AGPAT5: variants seen among roughly 807,000 people sequenced by gnomAD.
AGPAT5 encodes the protein 1-acyl-sn-glycerol-3-phosphate acyltransferase epsilon.
AGPAT5 carries 46 observed loss-of-function variants against 45.6 expected under a neutral mutation model. The observed-to-expected ratio is 1.01, with a 90% CI of 0.80 to 1.29. The LOEUF (loss-of-function observed/expected upper bound fraction) is 1.29. AGPAT5 is among the 50% of genes most tolerant of loss of function. The probability of loss-of-function intolerance (pLI) is 0.00; values close to 1 mark genes in which losing one functional copy is unlikely to be tolerated. For synonymous variants in AGPAT5, 272 were observed against 167.0 expected, an observed-to-expected ratio of 1.63 and a Z score of -4.85; for missense variants, 673 against 450.7, an observed-to-expected ratio of 1.49 and a Z score of -4.47.
At chr8:6,712,683 C>T (rs1800193033) in intron 1 of AGPAT5, among the ~76,000 whole-genome samples, 1 of 152,182 alleles carries the variant, frequency 6.6e-6, no homozygotes, top group South Asian at 2.1e-4. Context: ...TAAATTCTAT[C>T]ATCGTGAGTT....
In AGPAT5 at chr8:6,708,928, G is replaced by A. The variant is rs192900225; in HGVS notation, c.219+41G>A. On this transcript the variant is annotated intron_variant, in intron 1 of 7. Transcript: ENST00000285518. ...CTCCCGGGTCTCGGCGTCCACCCGA[G>A]CTCCCGGGGGCGCGGACCTCTCCGC... 1.6e-3 allele frequency: 2,564 copies of A among 1,560,738 alleles called. 19 individuals are homozygous for A. The African/African-American group carries it at 0.025, about 15-fold the overall frequency.
intron 6 of AGPAT5, among the ~76,000 whole-genome samples, chr8:6,752,025 A>G (rs1270316378): frequency 6.6e-6 from 1 of 152,160 alleles, no homozygotes; most frequent in Non-Finnish European, 1.5e-5. Context: ...AAAAATACAA[A>G]AATTAGCCGG....
chr8:6,711,239 G>C (rs1800147743), intron 1 of AGPAT5, among the ~76,000 whole-genome samples: 2 of 152,230 alleles, frequency 1.3e-5, no homozygotes. Flanking sequence ...TTTATGATCT[G>C]TGCTTGGCAG....
rs1231429151 is a variant in AGPAT5, at chr8:6,759,121, A to C, written c.*1733A>C. 3.3e-5 allele frequency: 5 copies of C among 152,292 alleles called. No homozygotes were observed. Among genetic ancestry groups the C allele is most frequent in the Non-Finnish European group, 5.9e-5 (4 of 68,018 alleles). 9.4% of individuals were successfully genotyped at this position (152,292 alleles called of 1,614,324 possible). ...CGGGGCATGGGTAAAACTTATGAAA[A>C]TTTCCTCATGCTGAATTGTAATTTT... is the stretch of plus-strand genomic sequence containing the variant. On this transcript the variant is annotated 3_prime_UTR_variant, in exon 8 of 8. Transcript: ENST00000285518.
At chr8:6,749,039 A>G (rs1050018238) in intron 6 of AGPAT5, among the ~76,000 whole-genome samples, 1 of 152,212 alleles carries the variant, frequency 6.6e-6, no homozygotes, top group Non-Finnish European at 1.5e-5. Flanking sequence ...ATTCTGCCCA[A>G]CCTTACACGT....
intron 2 of AGPAT5, 24 bp downstream of exon 2, chr8:6,724,963 C>A (rs530121149): frequency 2.7e-5 from 28 of 1,037,164 alleles, no homozygotes; most frequent in African/African-American, 5.0e-5. Flanking sequence ...TTGCATGAAA[C>A]ATAGGTTTTT....
intron 3 of AGPAT5, 103 bp from the exon 4 acceptor site, chr8:6,732,458 G>A: frequency 1.3e-6 from 1 of 751,398 alleles, no homozygotes; most frequent in Non-Finnish European, 2.1e-6. Context: ...CTGAAATGTA[G>A]TTTTCATTCT....
rs528229919 is a variant in AGPAT5, at chr8:6,761,257, C to G, written c.*3869C>G. Among the ~76,000 whole-genome samples the G allele has an allele frequency of 6.6e-6, 1 of 152,250 alleles. No individual in the cohort carries two copies. The highest frequency in any genetic ancestry group is 2.1e-4 in the South Asian group (1 of 4,818). Reference sequence around the variant, plus strand: ...ATGTTGATGAAACAGATCAGTTTTTCCATCCGGATTATTATTGGTTCATGA... The same window carrying G: ...ATGTTGATGAAACAGATCAGTTTTTGCATCCGGATTATTATTGGTTCATGA... On this transcript the variant is annotated 3_prime_UTR_variant, in exon 8 of 8. Coordinates refer to ENST00000285518, the MANE Select transcript of AGPAT5 (RefSeq NM_018361.5).
At chr8:6,728,557 G>A (rs990557510) in intron 2 of AGPAT5, among the ~76,000 whole-genome samples, 1 of 152,184 alleles carries the variant, frequency 6.6e-6, no homozygotes, top group African/African-American at 2.4e-5. Context: ...GTTCTTGGGA[G>A]GGGCATGTGA....
intron 6 of AGPAT5, 56 bp from the exon 7 acceptor site, chr8:6,754,995 T>C (rs1249162691): frequency 7.1e-7 from 1 of 1,401,012 alleles, no homozygotes; most frequent in Non-Finnish European, 9.5e-7. Context: ...TTTTACTTTA[T>C]ATGACCATGA....
chr8:6,744,913 G>A lies in AGPAT5; in HGVS notation c.587-2757G>A, dbSNP rs570794346. Among the ~76,000 whole-genome samples the A allele has an allele frequency of 2.8e-4, 43 of 152,286 alleles. 1 individual carries two copies. In the South Asian group the frequency reaches 8.5e-3, roughly 30 times the overall value. On this transcript the variant is annotated intron_variant, in intron 5 of 7. Coordinates refer to ENST00000285518, the MANE Select transcript of AGPAT5 (RefSeq NM_018361.5). Reference sequence around the variant, plus strand: ...CCCTTCCTTAGCAGTGGAGAACATCGTAAGATCAATGCTGACTGCCTTCTG... The same window carrying A: ...CCCTTCCTTAGCAGTGGAGAACATCATAAGATCAATGCTGACTGCCTTCTG...
chr8:6,745,044 C>G (rs983608492), intron 5 of AGPAT5: 8 of 152,376 alleles, frequency 5.3e-5, no homozygotes, highest in African/African-American at 1.9e-4. Flanking sequence ...TTTTTGTTCT[C>G]TTCACATTCA....
intron 4 of AGPAT5, among the ~76,000 whole-genome samples, chr8:6,739,367 A>G (rs1187807290): frequency 6.6e-6 from 1 of 152,138 alleles, no homozygotes; most frequent in African/African-American, 2.4e-5. Flanking sequence ...GAAGATATAG[A>G]TGAATTTGGG....
At chr8:6,755,728 C>G (rs192314145) in intron 7 of AGPAT5, among the ~76,000 whole-genome samples, 2 of 152,320 alleles carry the variant, frequency 1.3e-5, no homozygotes, top group African/African-American at 4.8e-5. Context: ...ACTTTCTGCT[C>G]AAGAAACTAT....
intron 4 of AGPAT5, among the ~76,000 whole-genome samples, chr8:6,733,099 T>C (rs1335193101): frequency 2.0e-5 from 3 of 152,232 alleles, no homozygotes; most frequent in African/African-American, 4.8e-5. Context: ...AAATGTTAAA[T>C]CATTCAGTGT....
At chr8:6,729,749 A>T (rs2980682) in intron 2 of AGPAT5, among the ~76,000 whole-genome samples, 114,572 of 152,180 alleles carry the variant, frequency 0.75, 44,269 homozygotes, top group African/African-American at 0.92. Context: ...AAGCTCAACT[A>T]ACAACTTCTA....
At chr8:6,713,018 G>A (rs1800203098) in intron 1 of AGPAT5, among the ~76,000 whole-genome samples, 1 of 152,156 alleles carries the variant, frequency 6.6e-6, no homozygotes, top group Non-Finnish European at 1.5e-5. Context: ...TTTGAGTCAG[G>A]GTCTTCTTCT....
intron 5 of AGPAT5, among the ~76,000 whole-genome samples, chr8:6,747,035 A>G (rs1167177821): frequency 1.3e-5 from 2 of 152,242 alleles, no homozygotes; most frequent in Non-Finnish European, 2.9e-5. Context: ...TTCATACAAA[A>G]GCTTGTTCAC....
At chr8:6,721,363 T>G (rs951461461) in intron 1 of AGPAT5, among the ~76,000 whole-genome samples, 4 of 152,232 alleles carry the variant, frequency 2.6e-5, no homozygotes, top group Admixed American at 2.0e-4. Flanking sequence ...TGGGGAGAGA[T>G]AGACTAGCTA....
Sources: gnomAD v4.1 joint callset for allele counts (sites outside exome capture counted in the v4.1 genomes callset) on GRCh38, gnomAD v4.1.1 for gene constraint, MANE v1.5 for transcripts, NCBI Gene and HGNC (gene_info 2026-07-23, HGNC 2026-07-21) for gene names.